Variants in TMOD3 observed in about 807,000 individuals in gnomAD.
The protein encoded by TMOD3 is tropomodulin-3.
In TMOD3, 20 loss-of-function variants were observed where a neutral mutation model predicts 39.2. The ratio of observed to expected loss-of-function variants is 0.51; its 90% CI spans 0.36 to 0.74. The LOEUF is 0.74. Among genes scored for constraint, TMOD3 ranks in the 30% least tolerant of loss-of-function variants. The pLI, the probability that TMOD3 is intolerant of heterozygous loss-of-function variation, is 0.00. For missense variants in TMOD3, 381 were observed against 412.8 expected (o/e 0.92, Z 0.67); for synonymous variants, 143 against 145.8 (o/e 0.98, Z 0.14).
intron 1 of TMOD3, among the ~76,000 whole-genome samples, chr15:51,857,559 A>G (rs2056394529): frequency 6.6e-6 from 1 of 152,138 alleles, no homozygotes; most frequent in Non-Finnish European, 1.5e-5. Context: ...CGTATTGCCT[A>G]TTAGAGTGCC....
rs777647445 is a variant in TMOD3 at position 51,889,129 on chromosome 15, C to G, written c.480C>G (p.Asp160Glu). The G allele has an allele frequency of 6.3e-7, 1 of 1,599,496 alleles. No individual in the cohort carries two copies. The highest frequency in any genetic ancestry group is 1.1e-5 in the South Asian group (1 of 88,912). The change falls in exon 5 of 10, where the codon GAC (aspartate) becomes GAG (glutamate). Residue 160 changes from aspartate (D) to glutamate (E), a missense_variant. Transcript: ENST00000308580. ...TAATGGGAAGTAGTAATGGTGTTGA[C>G]CAAGAACATTTTTCAAGTGAGTACT... ...CNIMGSSNGV[D>E]QEHFSNVVKG...
intron 4 of TMOD3, among the ~76,000 whole-genome samples, chr15:51,888,742 A>G (rs917049052): frequency 3.9e-5 from 6 of 152,198 alleles, no homozygotes; most frequent in African/African-American, 1.4e-4. Context: ...AACGGCAAAA[A>G]TAGATCATTT....
At chr15:51,854,529 A>G (rs1211155699) in intron 1 of TMOD3, among the ~76,000 whole-genome samples, 1 of 152,242 alleles carries the variant, frequency 6.6e-6, no homozygotes, top group East Asian at 1.9e-4. Context: ...TCTGAATCAT[A>G]TGATTCTACA....
At chr15:51,832,203 TTATATATATATATA>T (rs3985812) in intron 1 of TMOD3, among the ~76,000 whole-genome samples, 30 of 79,350 alleles carry the variant, frequency 3.8e-4, no homozygotes, top group Non-Finnish European at 4.7e-4. Flanking sequence ...AGAAAAAAAA[TTATATATATATATA>T]TATATATATA....
At chr15:51,867,439 A>T (rs769390971) in intron 2 of TMOD3, among the ~76,000 whole-genome samples, 1 of 152,162 alleles carries the variant, frequency 6.6e-6, no homozygotes, top group Non-Finnish European at 1.5e-5. Flanking sequence ...CATACTTGGT[A>T]CAAAGTTAGG....
At chr15:51,831,144 A>G (rs139662842) in intron 1 of TMOD3, among the ~76,000 whole-genome samples, 11 of 152,340 alleles carry the variant, frequency 7.2e-5, no homozygotes, top group African/African-American at 2.2e-4. Context: ...TCCAAGTCCT[A>G]TGATAGACAT....
chr15:51,902,642 G>GTTTTTTTTTT lies in TMOD3; in HGVS notation c.1024+607_1024+608insTTTTTTTTTT, dbSNP rs1286780618. ...TGCGCGCCGTGCCCAGCTAATTTTTGTATTTTTTTTTTTTTTTTTTTTTTT... is the reference window on the plus strand; with the variant it reads ...TGCGCGCCGTGCCCAGCTAATTTTTGTTTTTTTTTTTATTTTTTTTTTTTTTTTTTTTTTT... On this transcript the variant is annotated intron_variant, in intron 9 of 9. Coordinates refer to ENST00000308580, the MANE Select transcript of TMOD3 (RefSeq NM_014547.5). 2.5e-4 allele frequency among the ~76,000 whole-genome samples: 16 copies of GTTTTTTTTTT among 63,346 alleles called. 1 individual carries two copies. Among genetic ancestry groups the GTTTTTTTTTT allele is most frequent in the Non-Finnish European group, 3.2e-4 (11 of 34,232 alleles). 41.6% of individuals were successfully genotyped at this position (63,346 alleles called of 152,430 possible). A position where few individuals can be genotyped will look rare whatever the true frequency, so the allele number is the denominator to read the frequency against.
chr15:51,864,744 T>C (rs895173856), intron 2 of TMOD3, among the ~76,000 whole-genome samples: 2 of 152,172 alleles, frequency 1.3e-5, no homozygotes, highest in Non-Finnish European at 2.9e-5. Flanking sequence ...GCTATGTAAC[T>C]AGTCTCTAGT....
intron 1 of TMOD3, among the ~76,000 whole-genome samples, chr15:51,842,128 G>A (rs2056315545): frequency 6.6e-6 from 1 of 151,986 alleles, no homozygotes; most frequent in Non-Finnish European, 1.5e-5. Context: ...GCTATATTGT[G>A]GTAGTTCTTA....
intron 3 of TMOD3, among the ~76,000 whole-genome samples, chr15:51,880,858 C>CATA (rs35772047): frequency 0.42 from 63,037 of 151,700 alleles, 13,403 homozygotes; most frequent in Non-Finnish European, 0.46. Context: ...ATTGCTGGAT[C>CATA]ATAAGGTAAC....
At chr15:51,856,294 A>G (rs1388613091) in intron 1 of TMOD3, among the ~76,000 whole-genome samples, 1 of 152,198 alleles carries the variant, frequency 6.6e-6, no homozygotes, top group African/African-American at 2.4e-5. Context: ...AAAAAGTGAT[A>G]ACTTTTGAGC....
chr15:51,872,385 C>A (rs1177159431), intron 3 of TMOD3, among the ~76,000 whole-genome samples: 1 of 151,558 alleles, frequency 6.6e-6, no homozygotes, highest in African/African-American at 2.4e-5. Flanking sequence ...AGAGTCGAGA[C>A]CCTGTCTCAA....
intron 3 of TMOD3, among the ~76,000 whole-genome samples, chr15:51,878,548 C>T (rs2056517189): frequency 6.6e-6 from 1 of 152,102 alleles, no homozygotes; most frequent in South Asian, 2.1e-4. Flanking sequence ...GTATTAACTC[C>T]CAAAAGTGAA....
At chr15:51,900,955 T>C (rs2056647178) in intron 8 of TMOD3, 1 of 152,198 alleles carries the variant, frequency 6.6e-6, no homozygotes, top group South Asian at 2.1e-4. Flanking sequence ...TTCCAGAACA[T>C]TTTCATTACC....
intron 3 of TMOD3, among the ~76,000 whole-genome samples, chr15:51,876,135 A>G (rs916081845): frequency 5.3e-5 from 8 of 152,040 alleles, no homozygotes; most frequent in South Asian, 2.1e-4. Flanking sequence ...TATCTTTTCT[A>G]TTTGTCCTGT....
chr15:51,874,668 AT>A (rs1241209658), intron 3 of TMOD3, among the ~76,000 whole-genome samples: 7 of 152,090 alleles, frequency 4.6e-5, no homozygotes, highest in Non-Finnish European at 1.0e-4. Flanking sequence ...AGTCTTCAGT[AT>A]TTTTTACTAC....
intron 1 of TMOD3, chr15:51,859,783 AAC>A: frequency 4.0e-6 from 2 of 502,328 alleles, no homozygotes; most frequent in Admixed American, 4.4e-5. Flanking sequence ...AGTCTCTATA[AAC>A]AGTTCAGTCC....
At chr15:51,906,031 T>C (rs1475770122) in intron 9 of TMOD3, among the ~76,000 whole-genome samples, 1 of 149,454 alleles carries the variant, frequency 6.7e-6, no homozygotes, top group Non-Finnish European at 1.5e-5. Context: ...TTTATAAGCC[T>C]GCCATCTAGA....
intron 1 of TMOD3, among the ~76,000 whole-genome samples, chr15:51,842,327 T>TA (rs1357797712): frequency 6.6e-6 from 1 of 152,190 alleles, no homozygotes; most frequent in African/African-American, 2.4e-5. Flanking sequence ...ATTACTTTTT[T>TA]AAAAAACAAT....
Sources: allele counts gnomAD v4.1 joint callset (sites outside exome capture counted in the v4.1 genomes callset), GRCh38; gene constraint gnomAD v4.1.1; transcripts MANE v1.5; gene names NCBI Gene and HGNC (gene_info 2026-07-23, HGNC 2026-07-21).